Variants in TFF2 observed in about 807,000 individuals in gnomAD.
TFF2 encodes trefoil factor 2.
TFF2 carries 19 observed loss-of-function variants against 16.0 expected under a neutral mutation model. The ratio of observed to expected loss-of-function variants is 1.19; its 90% CI spans 0.83 to 1.74. The LOEUF is 1.74. Ranked by LOEUF, TFF2 falls within the 40% of genes most tolerant of loss-of-function variation. TFF2 has a pLI of 0.00. For missense variants in TFF2, 168 were observed against 166.8 expected, an observed-to-expected ratio of 1.01 and a Z score of -0.04; for synonymous variants, 61 against 65.4, an observed-to-expected ratio of 0.93 and a Z score of 0.32.
intron 1 of TFF2, 140 bp from the exon 2 acceptor site, chr21:42,350,170 A>G: frequency 7.5e-7 from 1 of 1,336,224 alleles, no homozygotes; most frequent in South Asian, 2.1e-5. Context: ...TATTTAAGCA[A>G]TGCGGTTTCC....
intron 2 of TFF2, among the ~76,000 whole-genome samples, chr21:42,349,658 ACC>A: frequency 1.3e-5 from 2 of 152,034 alleles, no homozygotes; most frequent in South Asian, 2.1e-4. Context: ...CCCCAGACTA[ACC>A]AACCTGGGCT....
chr21:42,350,712 C>T (rs991372783), intron 1 of TFF2, among the ~76,000 whole-genome samples, 167 bp downstream of exon 1: 4 of 152,230 alleles, frequency 2.6e-5, no homozygotes, highest in African/African-American at 9.6e-5. Context: ...GAGGGAGGCC[C>T]TTCTTGGAGC....
At chr21:42,350,739 G>T in intron 1 of TFF2, 140 bp downstream of exon 1, 2 of 904,608 alleles carry the variant, frequency 2.2e-6, no homozygotes, top group Non-Finnish European at 3.3e-6. Flanking sequence ...CCTGAGCAGT[G>T]GCAAATCCCA....
At chr21:42,347,770 CG>C in intron 2 of TFF2, 138 bp from the exon 3 acceptor site, 2 of 1,154,436 alleles carry the variant, frequency 1.7e-6, no homozygotes, top group Non-Finnish European at 1.2e-6. Flanking sequence ...CAGCATCCCC[CG>C]GGACGGCCTC....
Position 42,348,071 on chromosome 21 carries a change from G to A in TFF2, c.230-439C>T, listed in dbSNP as rs536942246. On this transcript the variant is annotated intron_variant, in intron 2 of 3. Coordinates refer to ENST00000291526, the MANE Select transcript of TFF2 (RefSeq NM_005423.5). ...CATGGTATTGATTCCCAAAGACACT[G>A]CCATTCAGTGGGCGCTCGTGAACAA... Among the ~76,000 whole-genome samples the A allele has an allele frequency of 1.2e-4, 18 of 152,332 alleles. No homozygotes were observed. In the South Asian group the frequency reaches 3.5e-3, roughly 30 times the overall value.
rs112267184 is a variant in TFF2, at chr21:42,349,106, G to A, written c.229+775C>T. Among the ~76,000 whole-genome samples the A allele has an allele frequency of 1.2e-3, 175 of 150,602 alleles. 1 individual carries two copies. The highest frequency in any genetic ancestry group is 4.2e-3 in the African/African-American group (170 of 40,924). Reference sequence around the variant, plus strand: ...GGCTAGCTCCAGACTAACCAACCTGGGCTAGCTCCGATTAACCAACCTGGG... The same window carrying A: ...GGCTAGCTCCAGACTAACCAACCTGAGCTAGCTCCGATTAACCAACCTGGG... On this transcript the variant is annotated intron_variant, in intron 2 of 3. Transcript: ENST00000291526.
chr21:42,347,310 G>A (rs112275939), intron 3 of TFF2, among the ~76,000 whole-genome samples, 176 bp downstream of exon 3: 259 of 152,322 alleles, frequency 1.7e-3, no homozygotes, highest in African/African-American at 6.0e-3. Flanking sequence ...TTGAAAAGAC[G>A]CTGTCTTTGC....
intron 1 of TFF2, among the ~76,000 whole-genome samples, chr21:42,350,662 G>A (rs78814417): frequency 0.054 from 8,199 of 152,228 alleles, 756 homozygotes; most frequent in African/African-American, 0.19. Flanking sequence ...GGCCCGACAC[G>A]GGGCCCGCTG....
chr21:42,348,663 C>T (rs2052088685), intron 2 of TFF2, among the ~76,000 whole-genome samples: 1 of 151,826 alleles, frequency 6.6e-6, no homozygotes, highest in South Asian at 2.1e-4. Flanking sequence ...CCAATCTGGG[C>T]TACCTCTAGA....
intron 2 of TFF2, 121 bp downstream of exon 2, chr21:42,349,760 C>T: frequency 9.5e-7 from 1 of 1,051,208 alleles, no homozygotes; most frequent in Non-Finnish European, 1.4e-6. Context: ...CGAGACTAAC[C>T]CACCCAGGCT....
Position 42,350,811 on chromosome 21 carries a change from G to A in TFF2, c.79+68C>T, listed in dbSNP as rs533320222. On this transcript the variant is annotated intron_variant, in intron 1 of 3. Transcript: ENST00000291526. ...ATTCCCCCTCTCAAGTTAATTTATG[G>A]TTGTGCTTTTTTTTTTTCTTTAAGA... is the stretch of plus-strand genomic sequence containing the variant. 2.0e-4 allele frequency: 285 copies of A among 1,460,380 alleles called. No homozygotes were observed. The African/African-American group carries it at 4.2e-3, about 21-fold the overall frequency. 90.5% of individuals were successfully genotyped at this position (1,460,380 alleles called of 1,614,324 possible). A position where few individuals can be genotyped will look rare whatever the true frequency, so the allele number is the denominator to read the frequency against.
chr21:42,350,200 C>T, intron 1 of TFF2, 170 bp from the exon 2 acceptor site: 1 of 1,258,426 alleles, frequency 7.9e-7, no homozygotes, highest in Admixed American at 3.8e-5. Context: ...GCCGATAGGG[C>T]TTTGCTGAAA....
At chr21:42,346,697 A>C in intron 3 of TFF2, 151 bp from the exon 4 acceptor site, 1 of 826,116 alleles carries the variant, frequency 1.2e-6, no homozygotes, top group East Asian at 2.7e-5. Flanking sequence ...AAAGGGACCA[A>C]ATCTTCCCAC....
Position 42,349,960 on chromosome 21 carries a change from G to T in TFF2, c.150C>A (p.Asp50Glu). The change falls in exon 2 of 4, where the codon GAC (aspartate) becomes GAA (glutamate). Residue 50 changes from aspartate to glutamate, a missense_variant. Asp to Glu is a conservative substitution (Grantham distance 45). Transcript: ENST00000291526. ...AACAGCATCCATTGTCAAAACACTG[G>T]TCACTGGTGATTCCAGGGAAGCCGC... is the stretch of plus-strand genomic sequence containing the variant. ...TNCGFPGITS[D>E]QCFDNGCCFD... 1 of 1,599,384 alleles carries T rather than the reference G, an allele frequency of 6.3e-7. No homozygotes were observed. The highest frequency in any genetic ancestry group is 8.5e-7 in the Non-Finnish European group (1 of 1,172,766).
At position 42,350,864 on chromosome 21, in the gene TFF2, C is replaced by T. The variant is rs1340520598; in HGVS notation, c.79+15G>A. On this transcript the variant is annotated intron_variant, in intron 1 of 3. Coordinates refer to ENST00000291526, the MANE Select transcript of TFF2 (RefSeq NM_005423.5). ...AATAAAGAAAGCACATAAAAAGACCCTCTCCTTCACTTACAGGGTTTCTCA... is the reference window on the plus strand; with the variant it reads ...AATAAAGAAAGCACATAAAAAGACCTTCTCCTTCACTTACAGGGTTTCTCA... 1 of 1,598,866 alleles carries T rather than the reference C, an allele frequency of 6.3e-7. No individual in the cohort carries two copies. The highest frequency in any genetic ancestry group is 8.5e-7 in the Non-Finnish European group (1 of 1,175,194).
intron 2 of TFF2, among the ~76,000 whole-genome samples, 153 bp from the exon 3 acceptor site, chr21:42,347,785 C>T (rs1027742778): frequency 1.3e-5 from 2 of 151,890 alleles, no homozygotes; most frequent in African/African-American, 4.8e-5. Context: ...CGGCCTCCCC[C>T]GGGGACTGTG....
At position 42,346,451 on chromosome 21, in the gene TFF2, G is replaced by A. The variant is rs225334; in HGVS notation, c.*82C>T. 947,196 of 1,526,808 alleles carry A rather than the reference G, an allele frequency of 0.62. 298,960 individuals are homozygous for A. The highest frequency in any genetic ancestry group is 0.79 in the African/African-American group (57,338 of 72,524). 94.6% of individuals were successfully genotyped at this position (1,526,808 alleles called of 1,614,324 possible). A position where few individuals can be genotyped will look rare whatever the true frequency, so the allele number is the denominator to read the frequency against. ...TTAAGAAAACCCAGGATTTCATGAA[G>A]TATGAAGCTGATAAGGCGAAGTTTC... On this transcript the variant is annotated 3_prime_UTR_variant, in exon 4 of 4. Coordinates refer to ENST00000291526, the MANE Select transcript of TFF2 (RefSeq NM_005423.5).
intron 2 of TFF2, among the ~76,000 whole-genome samples, chr21:42,348,489 CAT>C (rs1481285854): frequency 1.3e-5 from 2 of 152,198 alleles, no homozygotes; most frequent in South Asian, 2.1e-4. Flanking sequence ...TCCACACACA[CAT>C]GTCTGTTGAA....
intron 2 of TFF2, among the ~76,000 whole-genome samples, chr21:42,349,060 A>C (rs2052092564): frequency 6.6e-6 from 1 of 150,606 alleles, no homozygotes; most frequent in Admixed American, 6.6e-5. Flanking sequence ...CTGGGCTACT[A>C]GCCTCAGACT....
Sources: allele counts gnomAD v4.1 joint callset (sites outside exome capture counted in the v4.1 genomes callset), GRCh38; gene constraint gnomAD v4.1.1; transcripts MANE v1.5; gene names NCBI Gene and HGNC (gene_info 2026-07-23, HGNC 2026-07-21).